Variants in ZNF347 observed in about 807,000 individuals in gnomAD.
ZNF347 encodes the protein zinc finger protein 347, also known as CTD-2620I22.7.
Under a neutral mutation model 12.9 loss-of-function variants are expected in ZNF347, and 19 were observed. The ratio of observed to expected loss-of-function variants is 1.47; its 90% CI spans 1.03 to 2.16. ZNF347 has a LOEUF of 2.16. Among genes scored for constraint, ZNF347 ranks in the 30% most tolerant of loss-of-function variants. ZNF347 has a pLI of 0.00. For missense variants in ZNF347, 1,005 were observed against 990.6 expected, an observed-to-expected ratio of 1.01 and a Z score of -0.19; for synonymous variants, 328 against 340.6, an observed-to-expected ratio of 0.96 and a Z score of 0.41.
rs748698630 is a variant in ZNF347, at chr19:53,140,520, A to G, written c.2308T>C (p.Cys770Arg). The G allele has an allele frequency of 3.1e-6, 5 of 1,613,664 alleles. No homozygotes were observed. Among genetic ancestry groups the G allele is most frequent in the Non-Finnish European group, 4.2e-6 (5 of 1,179,896 alleles). The change falls in exon 5 of 5, where the codon TGT (cysteine) becomes CGT (arginine). Residue 770 changes from cysteine to arginine, a missense_variant. Transcript: ENST00000334197. ...TGEKPYKCNECGKAFSQTSKL... is the reference protein window; with the variant it reads ...TGEKPYKCNERGKAFSQTSKL... ...GAAGTTTGACTAAAGGCTTTGCCAC[A>G]CTCATTACACTTGTAAGGTTTCTCT...
chr19:53,153,703 C>T, intron 2 of ZNF347, 30 bp downstream of exon 2: 1 of 1,611,218 alleles, frequency 6.2e-7, no homozygotes, highest in Non-Finnish European at 8.5e-7. Context: ...AAATAAGAGA[C>T]AGAACAATCC....
chr19:53,148,969 T>C (rs1203663255), intron 3 of ZNF347, 160 bp from the exon 4 acceptor site: 3 of 1,087,126 alleles, frequency 2.8e-6, no homozygotes, highest in Non-Finnish European at 2.6e-6. Context: ...AACACTATAA[T>C]ATGCAAATAT....
intron 2 of ZNF347, among the ~76,000 whole-genome samples, chr19:53,150,492 TAC>T (rs1157180422): frequency 1.3e-5 from 2 of 152,196 alleles, no homozygotes; most frequent in African/African-American, 4.8e-5. Flanking sequence ...ATACAAAAAA[TAC>T]ACAAATATAC....
chr19:53,148,723 C>A lies in ZNF347; in HGVS notation c.229G>T (p.Gly77Ter). Reference sequence around the variant, plus strand: ...ATCCATTCCCATCCATCTGGGTTTCCTGCTATTTGTACTTGGCTCTCCAAA... The same window carrying A: ...ATCCATTCCCATCCATCTGGGTTTCATGCTATTTGTACTTGGCTCTCCAAA... ...FTLESQVQIA[G>*]NPDGWEWIKA... Residue 77 changes from glycine (G) to a stop codon, truncating the protein, a stop_gained, in exon 4 of 5, where the codon GGA becomes TGA. Coordinates refer to ENST00000334197, the MANE Select transcript of ZNF347 (RefSeq NM_032584.3). LOFTEE classifies it low-confidence loss of function (END_TRUNC). 1 of 1,613,954 alleles carries A rather than the reference C, an allele frequency of 6.2e-7. No individual in the cohort carries two copies. Among genetic ancestry groups the A allele is most frequent in the Non-Finnish European group, 8.5e-7 (1 of 1,179,920 alleles).
At position 53,135,331 on chromosome 19, in the gene ZNF347, T is replaced by TAG. The variant is rs2090381034; in HGVS notation, c.*4976_*4977insCT. 7 of 57,756 alleles carry TAG rather than the reference T, an allele frequency of 1.2e-4. No individual in the cohort carries two copies. Among genetic ancestry groups the TAG allele is most frequent in the African/African-American group, 3.6e-4 (5 of 13,706 alleles). The allele number at this position is 57,756 out of a possible 1,614,324, so 3.6% of individuals were successfully genotyped here. A position where few individuals can be genotyped will look rare whatever the true frequency, so the allele number is the denominator to read the frequency against. ...ATATATATATATATATATATATATATATATATATAGAGAGAGAGAGAGAGA... is the reference window on the plus strand; with the variant it reads ...ATATATATATATATATATATATATATAGATATATATAGAGAGAGAGAGAGAGA... On this transcript the variant is annotated 3_prime_UTR_variant, in exon 5 of 5. Coordinates refer to ENST00000334197, the MANE Select transcript of ZNF347 (RefSeq NM_032584.3).
intron 4 of ZNF347, among the ~76,000 whole-genome samples, chr19:53,143,313 G>A (rs2090441789): frequency 6.6e-6 from 1 of 151,324 alleles, no homozygotes. Context: ...TGCCATGTTG[G>A]TGTGCTGCAC....
chr19:53,152,946 A>T (rs1171813782), intron 2 of ZNF347, among the ~76,000 whole-genome samples: 1 of 152,138 alleles, frequency 6.6e-6, no homozygotes, highest in Non-Finnish European at 1.5e-5. Context: ...AATAAAATAA[A>T]AATAATAATT....
intron 1 of ZNF347, among the ~76,000 whole-genome samples, chr19:53,155,335 T>TG (rs55809447): frequency 0.012 from 1,608 of 139,308 alleles, 36 homozygotes; most frequent in African/African-American, 0.041. Flanking sequence ...TGTGTGTGTG[T>TG]TTGTTTTTTG....
At position 53,136,473 on chromosome 19, in the gene ZNF347, C is replaced by T. The variant is rs998268923; in HGVS notation, c.*3835G>A. ...TCATTTTACTACTATTGGCTCATGGCTGTAATCCTAGCACTTTGGGAAGCT... is the reference window on the plus strand; with the variant it reads ...TCATTTTACTACTATTGGCTCATGGTTGTAATCCTAGCACTTTGGGAAGCT... On this transcript the variant is annotated 3_prime_UTR_variant, in exon 5 of 5. Coordinates refer to ENST00000334197, the MANE Select transcript of ZNF347 (RefSeq NM_032584.3). 1 of 151,762 alleles carries T rather than the reference C, an allele frequency of 6.6e-6. No homozygotes were observed. Among genetic ancestry groups the T allele is most frequent in the African/African-American group, 2.4e-5 (1 of 41,308 alleles). The allele number at this position is 151,762 out of a possible 1,614,324, so 9.4% of individuals were successfully genotyped here.
At chr19:53,146,555 C>T (rs1362704639) in intron 4 of ZNF347, among the ~76,000 whole-genome samples, 2 of 152,130 alleles carry the variant, frequency 1.3e-5, no homozygotes, top group African/African-American at 2.4e-5. Flanking sequence ...GGATTACAGG[C>T]ATGAGGCACC....
In ZNF347 at chr19:53,135,373, G is replaced by GAA. The variant is rs2090383085; in HGVS notation, c.*4934_*4935insTT. ...AGAGAGAGAGAGAGAGAGAGAAAGA[G>GAA]AGAGAGAGAGAGAGAGAGAGATGGA... On this transcript the variant is annotated 3_prime_UTR_variant, in exon 5 of 5. Coordinates refer to ENST00000334197, the MANE Select transcript of ZNF347 (RefSeq NM_032584.3). The GAA allele has an allele frequency of 1.0e-4, 13 of 127,620 alleles. No homozygotes were observed. The highest frequency in any genetic ancestry group is 1.2e-4 in the Non-Finnish European group (7 of 57,212). 7.9% of individuals were successfully genotyped at this position (127,620 alleles called of 1,614,324 possible).
At position 53,140,582 on chromosome 19, in the gene ZNF347, TTC is replaced by T. The variant is rs758766463; in HGVS notation, c.2244_2245del (p.Asn749PhefsTer19). 1.2e-6 allele frequency: 2 copies of T among 1,613,970 alleles called. No homozygotes were observed. Among genetic ancestry groups the T allele is most frequent in the Middle Eastern group, 1.7e-4 (1 of 6,060 alleles). On this transcript the variant is annotated frameshift_variant, in exon 5 of 5. Transcript: ENST00000334197. LOFTEE classifies it low-confidence loss of function (END_TRUNC). ...TCCCCGATGTCTTGCAAGGTGTGAA[TTC>T]TGAGTGAAGACCTTCCCACACTCAT...
chr19:53,135,333 T>TAG lies in ZNF347; in HGVS notation c.*4974_*4975insCT, dbSNP rs2090381234. On this transcript the variant is annotated 3_prime_UTR_variant, in exon 5 of 5. Coordinates refer to ENST00000334197, the MANE Select transcript of ZNF347 (RefSeq NM_032584.3). ...ATATATATATATATATATATATATA[T>TAG]ATATATAGAGAGAGAGAGAGAGAGA... 8 of 68,500 alleles carry TAG rather than the reference T, an allele frequency of 1.2e-4. No individual in the cohort carries two copies. Among genetic ancestry groups the TAG allele is most frequent in the East Asian group, 3.9e-4 (1 of 2,556 alleles). The allele number at this position is 68,500 out of a possible 1,614,324, so 4.2% of individuals were successfully genotyped here.
At chr19:53,145,025 C>G (rs2090453664) in intron 4 of ZNF347, among the ~76,000 whole-genome samples, 1 of 152,014 alleles carries the variant, frequency 6.6e-6, no homozygotes, top group Non-Finnish European at 1.5e-5. Flanking sequence ...CGTGATGGCT[C>G]ACACCTGTAA....
intron 3 of ZNF347, 79 bp downstream of exon 3, chr19:53,149,162 G>A: frequency 1.9e-6 from 3 of 1,581,224 alleles, no homozygotes; most frequent in Non-Finnish European, 2.6e-6. Flanking sequence ...AGCAATGCAT[G>A]AGCTCCCAGG....
intron 4 of ZNF347, 70 bp downstream of exon 4, chr19:53,148,611 T>G: frequency 6.0e-6 from 9 of 1,512,374 alleles, no homozygotes; most frequent in Non-Finnish European, 4.4e-6. Flanking sequence ...CACAGAACTC[T>G]CAGATTTGCA....
chr19:53,153,920 C>CTG, intron 1 of ZNF347, 127 bp from the exon 2 acceptor site: 2 of 685,818 alleles, frequency 2.9e-6, no homozygotes, highest in Non-Finnish European at 5.0e-6. Flanking sequence ...AGACCTCACC[C>CTG]TGTGGAAAGA....
rs751508459 is a variant in ZNF347, at chr19:53,141,224, T to C, written c.1604A>G (p.His535Arg). 6 of 1,608,470 alleles carry C rather than the reference T, an allele frequency of 3.7e-6. No homozygotes were observed. The East Asian group carries it at 1.1e-4, about 30-fold the overall frequency. The change falls in exon 5 of 5, where the codon CAT becomes CGT. Residue 535 changes from histidine (H) to arginine (R), a missense_variant. Transcript: ENST00000334197. Reference sequence around the variant, plus strand: ...ACACATATAAGGCTTCACTCCAGTATGAATTCTTTGATGATTTGCAAGGTG... The same window carrying C: ...ACACATATAAGGCTTCACTCCAGTACGAATTCTTTGATGATTTGCAAGGTG... Reference protein sequence around the residue: ...NSHLANHQRIHTGVKPYMCNE... With the variant: ...NSHLANHQRIRTGVKPYMCNE...
chr19:53,140,607 C>G lies in ZNF347; in HGVS notation c.2221G>C (p.Glu741Gln), dbSNP rs778142074. 6.2e-7 allele frequency: 1 copy of G among 1,613,748 alleles called. No individual in the cohort carries two copies. Among genetic ancestry groups the G allele is most frequent in the Non-Finnish European group, 8.5e-7 (1 of 1,179,918 alleles). The change falls in exon 5 of 5, where the codon GAG (glutamate) becomes CAG (glutamine). Residue 741 changes from glutamate to glutamine, a missense_variant. Glu to Gln is a conservative substitution (Grantham distance 29). Coordinates refer to ENST00000334197, the MANE Select transcript of ZNF347 (RefSeq NM_032584.3). ...HTGKKPYKCN[E>Q]CGKVFTQNSH... is the part of the protein sequence containing the mutation. ...TTCTGAGTGAAGACCTTCCCACACT[C>G]ATTGCATTTGTAAGGTTTTTTTCCA...
Sources: gnomAD v4.1 joint callset for allele counts (sites outside exome capture counted in the v4.1 genomes callset) on GRCh38, gnomAD v4.1.1 for gene constraint, MANE v1.5 for transcripts, NCBI Gene and HGNC (gene_info 2026-07-23, HGNC 2026-07-21) for gene names.